Variants in TTC7B observed in about 807,000 individuals in gnomAD.
TTC7B encodes the protein tetratricopeptide repeat protein 7B.
Under a neutral mutation model 106.8 loss-of-function variants are expected in TTC7B, and 28 were observed. That is an observed-to-expected ratio of 0.26 (90% CI 0.19 to 0.36). The LOEUF (loss-of-function observed/expected upper bound fraction) is 0.36, where lower values mean the gene tolerates loss of function less well. TTC7B is among the 10% of genes least tolerant of loss of function. The pLI is 1.00. For missense variants in TTC7B, 862 were observed against 1,076.4 expected (o/e 0.80, Z 2.79); for synonymous variants, 405 against 430.6 (o/e 0.94, Z 0.74).
At chr14:90,554,071 G>GC (rs1890200439) in intron 19 of TTC7B, among the ~76,000 whole-genome samples, 1 of 152,200 alleles carries the variant, frequency 6.6e-6, no homozygotes, top group Admixed American at 6.5e-5. Flanking sequence ...CACAGACTTG[G>GC]CCCCCCATTT....
chr14:90,727,471 A>G (rs1258074698), intron 5 of TTC7B, among the ~76,000 whole-genome samples: 1 of 152,256 alleles, frequency 6.6e-6, no homozygotes, highest in African/African-American at 2.4e-5. Context: ...TGTGAGGACC[A>G]GTGACCATGA....
intron 3 of TTC7B, among the ~76,000 whole-genome samples, chr14:90,776,099 CAGT>C (rs1238189325): frequency 6.6e-6 from 1 of 150,638 alleles, no homozygotes; most frequent in East Asian, 2.0e-4. Flanking sequence ...TTATAGTAGG[CAGT>C]TAGTCAGGCA....
intron 4 of TTC7B, among the ~76,000 whole-genome samples, chr14:90,738,182 A>C (rs547880851): frequency 3.2e-4 from 48 of 152,332 alleles, no homozygotes; most frequent in African/African-American, 1.1e-3. Flanking sequence ...CCTCACTGGT[A>C]ATCCAAAAAA....
Position 90,759,634 on chromosome 14 carries a change from T to C in TTC7B, c.446-14712A>G, listed in dbSNP as rs1324564320. On this transcript the variant is annotated intron_variant, in intron 3 of 19. Transcript: ENST00000328459. This position sits in a 1 kb window ranked among gnomAD's most constrained non-coding sequence, Gnocchi z 4.1. The stretch of plus-strand genomic sequence containing the variant: ...CAGCTTGAAAGTTGACAAATTGAGA[T>C]GAACCAGCTCGTCGGTGAGTGTAGG... Among the ~76,000 whole-genome samples, 1 of 152,174 alleles carries C rather than the reference T, an allele frequency of 6.6e-6. No homozygotes were observed. The highest frequency in any genetic ancestry group is 1.9e-4 in the East Asian group (1 of 5,202).
chr14:90,800,787 GAT>G (rs1306530592), intron 1 of TTC7B, among the ~76,000 whole-genome samples: 285 of 152,098 alleles, frequency 1.9e-3, no homozygotes, highest in Non-Finnish European at 3.2e-3. Context: ...CTCCAGCCTG[GAT>G]GACAGAGCAA....
At chr14:90,691,151 C>A (rs2139940454) in intron 6 of TTC7B, among the ~76,000 whole-genome samples, 1 of 152,198 alleles carries the variant, frequency 6.6e-6, no homozygotes, top group Non-Finnish European at 1.5e-5. Context: ...AAAATAACTT[C>A]CACTCACTAT....
chr14:90,758,126 G>A (rs1029940597), intron 3 of TTC7B, among the ~76,000 whole-genome samples: 2 of 151,696 alleles, frequency 1.3e-5, no homozygotes, highest in African/African-American at 4.8e-5. Flanking sequence ...ACTAATGCGA[G>A]GTTAATCAAG....
At chr14:90,564,211 C>T (rs1477327802) in intron 19 of TTC7B, among the ~76,000 whole-genome samples, 3 of 152,080 alleles carry the variant, frequency 2.0e-5, no homozygotes, top group Non-Finnish European at 2.9e-5. Context: ...ATGAAGATAA[C>T]AGTCATCTCC....
intron 16 of TTC7B, among the ~76,000 whole-genome samples, chr14:90,611,447 C>T (rs1284330089): frequency 6.6e-6 from 1 of 152,194 alleles, no homozygotes; most frequent in Non-Finnish European, 1.5e-5. Context: ...AGTGTGATCA[C>T]AGTCATGCAC....
intron 3 of TTC7B, among the ~76,000 whole-genome samples, chr14:90,747,228 A>T (rs758968950): frequency 3.9e-5 from 6 of 152,192 alleles, no homozygotes; most frequent in Non-Finnish European, 8.8e-5. Context: ...ATCTTCCTTG[A>T]TTGGCAATAT....
intron 4 of TTC7B, among the ~76,000 whole-genome samples, chr14:90,743,469 G>A (rs957320701): frequency 2.0e-5 from 3 of 152,126 alleles, no homozygotes; most frequent in Admixed American, 6.6e-5. Flanking sequence ...AAGGAGCCCA[G>A]AAAATTGCTG....
At chr14:90,589,544 C>A (rs537550811) in intron 18 of TTC7B, among the ~76,000 whole-genome samples, 1 of 152,198 alleles carries the variant, frequency 6.6e-6, no homozygotes, top group Admixed American at 6.5e-5. Flanking sequence ...TCAGTACAGA[C>A]AGATTTTTTT....
intron 19 of TTC7B, among the ~76,000 whole-genome samples, chr14:90,567,041 G>T (rs1890828294): frequency 6.6e-6 from 1 of 152,100 alleles, no homozygotes; most frequent in African/African-American, 2.4e-5. Flanking sequence ...GGGAAGGCGG[G>T]GGCGGGGAGG....
intron 1 of TTC7B, among the ~76,000 whole-genome samples, chr14:90,788,088 C>A (rs1178477292): frequency 3.9e-5 from 1 of 25,964 alleles, no homozygotes; most frequent in African/African-American, 5.1e-5. Context: ...TCACTTGAAC[C>A]CAGGAGTGGA....
intron 4 of TTC7B, among the ~76,000 whole-genome samples, chr14:90,737,154 T>C (rs1031235322): frequency 6.6e-6 from 1 of 152,142 alleles, no homozygotes; most frequent in Non-Finnish European, 1.5e-5. Context: ...ACTTATGACA[T>C]AGTTTATTCA....
At chr14:90,795,612 T>G (rs1168313169) in intron 1 of TTC7B, among the ~76,000 whole-genome samples, 1 of 152,234 alleles carries the variant, frequency 6.6e-6, no homozygotes, top group African/African-American at 2.4e-5. Flanking sequence ...TTAACCTCTC[T>G]GAGCCTTAGT....
intron 4 of TTC7B, among the ~76,000 whole-genome samples, chr14:90,743,020 C>A (rs982799851): frequency 6.6e-6 from 1 of 152,168 alleles, no homozygotes; most frequent in Non-Finnish European, 1.5e-5. Flanking sequence ...CTGCCAAGCA[C>A]GGTCCATCAA....
intron 18 of TTC7B, among the ~76,000 whole-genome samples, chr14:90,590,408 C>T (rs1217836604): frequency 2.6e-5 from 4 of 152,190 alleles, no homozygotes; most frequent in Admixed American, 2.6e-4. Context: ...CCACTGTGGG[C>T]TCCCATCACG....
At chr14:90,597,631 C>T (rs970543241) in intron 17 of TTC7B, among the ~76,000 whole-genome samples, 2 of 151,810 alleles carry the variant, frequency 1.3e-5, no homozygotes, top group African/African-American at 4.8e-5. Flanking sequence ...GCACTCCAGC[C>T]TGGGCAACAA....
Sources: gnomAD v4.1 joint callset for allele counts (sites outside exome capture counted in the v4.1 genomes callset) on GRCh38, gnomAD v4.1.1 for gene constraint, Gnocchi (gnomAD v3.1) non-coding constraint, MANE v1.5 for transcripts, NCBI Gene and HGNC (gene_info 2026-07-23, HGNC 2026-07-21) for gene names.